Variants in ROR2 observed in about 807,000 individuals in gnomAD.
ROR2 encodes tyrosine-protein kinase transmembrane receptor ROR2.
In ROR2, 33 loss-of-function variants were observed where a neutral mutation model predicts 74.9. The observed-to-expected ratio is 0.44, with a 90% CI of 0.33 to 0.59. ROR2 has a LOEUF of 0.59. Among genes scored for constraint, ROR2 ranks in the 20% least tolerant of loss-of-function variants. The pLI is 0.02. For missense variants in ROR2, 1,216 were observed against 1,313.8 expected, an observed-to-expected ratio of 0.93 and a Z score of 1.15; for synonymous variants, 586 against 558.7, an observed-to-expected ratio of 1.05 and a Z score of -0.69.
At chr9:91,948,240 T>C (rs1832065225) in intron 1 of ROR2, among the ~76,000 whole-genome samples, 2 of 152,202 alleles carry the variant, frequency 1.3e-5, no homozygotes, top group African/African-American at 2.4e-5. Context: ...CCTCATGGTC[T>C]GCAAGGCAGA....
At chr9:91,785,817 T>G (rs1826777887) in intron 1 of ROR2, among the ~76,000 whole-genome samples, 1 of 152,190 alleles carries the variant, frequency 6.6e-6, no homozygotes, top group South Asian at 2.1e-4. Context: ...GAACCTGAAA[T>G]GCCCCGAAAT....
At chr9:91,840,932 T>C (rs1828764509) in intron 1 of ROR2, among the ~76,000 whole-genome samples, 1 of 152,266 alleles carries the variant, frequency 6.6e-6, no homozygotes, top group Non-Finnish European at 1.5e-5. Flanking sequence ...TATAGATGTG[T>C]GGTCATGGGC....
intron 4 of ROR2, among the ~76,000 whole-genome samples, chr9:91,748,613 A>T (rs866225964): frequency 2.0e-4 from 31 of 152,380 alleles, no homozygotes; most frequent in Middle Eastern, 6.8e-3. Flanking sequence ...ACTAGCACAC[A>T]ATTTAAAAAT....
At position 91,748,905 on chromosome 9, in the gene ROR2, T is replaced by C. The variant is rs375754979; in HGVS notation, c.494+7166A>G. Among the ~76,000 whole-genome samples, 18 of 152,172 alleles carry C rather than the reference T, an allele frequency of 1.2e-4. No homozygotes were observed. The East Asian group carries it at 2.9e-3, about 25-fold the overall frequency. On this transcript the variant is annotated intron_variant, in intron 4 of 8. Coordinates refer to ENST00000375708, the MANE Select transcript of ROR2 (RefSeq NM_004560.4). ...AGCCGGGCGTGGTGGCAGGCGCCTG[T>C]AATCCCAGCTACTCAGGAGGCTGAG...
chr9:91,925,462 C>CTGTGTGTGTGTGTG (rs1224637296), intron 1 of ROR2, among the ~76,000 whole-genome samples: 1 of 126,086 alleles, frequency 7.9e-6, no homozygotes, highest in African/African-American at 3.3e-5. Context: ...TGTCAGCTGC[C>CTGTGTGTGTGTGTG]TGTATGTGTG....
intron 1 of ROR2, among the ~76,000 whole-genome samples, chr9:91,789,946 G>A (rs554118150): frequency 3.0e-4 from 46 of 152,026 alleles, no homozygotes; most frequent in Non-Finnish European, 6.0e-4. Context: ...AACACACTTC[G>A]AATTCAAAAA....
At chr9:91,761,458 A>G (rs2118869886) in intron 2 of ROR2, among the ~76,000 whole-genome samples, 1 of 152,314 alleles carries the variant, frequency 6.6e-6, no homozygotes, top group East Asian at 1.9e-4. Flanking sequence ...ATAATCAGGC[A>G]TTAGACTCTC....
In ROR2 at chr9:91,907,069, T is replaced by C. The variant is rs75267065; in HGVS notation, c.97+42798A>G. The stretch of plus-strand genomic sequence containing the variant: ...CACTAACTCCCCATTGGATTTCATC[T>C]ATCTTTTTTTTTAATTGAGGGAGAC... On this transcript the variant is annotated intron_variant, in intron 1 of 8. Coordinates refer to ENST00000375708, the MANE Select transcript of ROR2 (RefSeq NM_004560.4). 1.9e-4 allele frequency among the ~76,000 whole-genome samples: 29 copies of C among 152,288 alleles called. No homozygotes were observed. In the East Asian group the frequency reaches 5.6e-3, roughly 29 times the overall value.
At position 91,905,668 on chromosome 9, in the gene ROR2, A is replaced by G. The variant is rs1041684813; in HGVS notation, c.97+44199T>C. Among the ~76,000 whole-genome samples the G allele has an allele frequency of 4.1e-5, 6 of 147,128 alleles. No homozygotes were observed. The highest frequency in any genetic ancestry group is 9.0e-5 in the Non-Finnish European group (6 of 66,384). ...CATAACACACACGTACACCACACATACACTCCAAAATCTGTTTTTCTTTTT... is the reference window on the plus strand; with the variant it reads ...CATAACACACACGTACACCACACATGCACTCCAAAATCTGTTTTTCTTTTT... On this transcript the variant is annotated intron_variant, in intron 1 of 8. Coordinates refer to ENST00000375708, the MANE Select transcript of ROR2 (RefSeq NM_004560.4). The surrounding 1 kb of genome is among the most constrained non-coding windows in gnomAD (Gnocchi z 5.3).
intron 4 of ROR2, among the ~76,000 whole-genome samples, chr9:91,740,325 G>T (rs1433904628): frequency 6.6e-6 from 1 of 152,040 alleles, no homozygotes; most frequent in Non-Finnish European, 1.5e-5. Flanking sequence ...AAGGTGGGAG[G>T]ATCACAAGGT....
At chr9:91,862,668 C>CAA (rs113052659) in intron 1 of ROR2, among the ~76,000 whole-genome samples, 6,009 of 150,304 alleles carry the variant, frequency 0.04, 166 homozygotes, top group East Asian at 0.092. Context: ...TCTCAAAAAA[C>CAA]AAAAAAAAAG....
intron 1 of ROR2, among the ~76,000 whole-genome samples, chr9:91,899,648 G>T (rs1384315876): frequency 6.6e-6 from 1 of 152,074 alleles, no homozygotes; most frequent in Non-Finnish European, 1.5e-5. Flanking sequence ...TGGGGAGGAG[G>T]GGGCAGCTGG....
chr9:91,853,039 C>T (rs1829159865), intron 1 of ROR2, among the ~76,000 whole-genome samples: 1 of 152,230 alleles, frequency 6.6e-6, no homozygotes, highest in African/African-American at 2.4e-5. Context: ...GTAAAAATAA[C>T]CACCATGGAG....
At chr9:91,923,902 T>C (rs1417320117) in intron 1 of ROR2, 2 of 152,272 alleles carry the variant, frequency 1.3e-5, no homozygotes, top group Non-Finnish European at 2.9e-5. Context: ...GTGGCAGAAG[T>C]GTTGGGTCAA....
In ROR2 at chr9:91,737,393, G is replaced by A. The variant is rs1825065776; in HGVS notation, c.620C>T (p.Thr207Ile). The change falls in exon 5 of 9, where the codon ACA (threonine) becomes ATA (isoleucine). Residue 207 changes from threonine (T) to isoleucine (I), a missense_variant and splice_region_variant. Coordinates refer to ENST00000375708, the MANE Select transcript of ROR2 (RefSeq NM_004560.4). ...QMQGEIENRI[T>I]AAFTMIGTST... ...GGAGAAAGGTCTGCAGCTCCTACCTGTGATTCGGTTTTCAATCTCCCCCTG... is the reference window on the plus strand; with the variant it reads ...GGAGAAAGGTCTGCAGCTCCTACCTATGATTCGGTTTTCAATCTCCCCCTG... 1 of 1,614,142 alleles carries A rather than the reference G, an allele frequency of 6.2e-7. No homozygotes were observed. The highest frequency in any genetic ancestry group is 8.5e-7 in the Non-Finnish European group (1 of 1,180,032).
At chr9:91,867,116 G>A (rs1387765572) in intron 1 of ROR2, among the ~76,000 whole-genome samples, 1 of 152,196 alleles carries the variant, frequency 6.6e-6, no homozygotes, top group Non-Finnish European at 1.5e-5. Flanking sequence ...CTTCTTTAGG[G>A]ACTCCTTAGC....
chr9:91,847,056 A>C (rs1230197118), intron 1 of ROR2, among the ~76,000 whole-genome samples: 1 of 152,108 alleles, frequency 6.6e-6, no homozygotes, highest in Non-Finnish European at 1.5e-5. Flanking sequence ...CACAGACACA[A>C]ATGGCATGGA....
chr9:91,771,746 T>C (rs1246488789), intron 2 of ROR2, among the ~76,000 whole-genome samples: 1 of 146,156 alleles, frequency 6.8e-6, no homozygotes, highest in Non-Finnish European at 1.5e-5. Flanking sequence ...CTCGATACCA[T>C]CTACCAAATA....
chr9:91,784,277 A>G (rs1056833947), intron 1 of ROR2, among the ~76,000 whole-genome samples: 1 of 152,122 alleles, frequency 6.6e-6, no homozygotes, highest in Admixed American at 6.5e-5. Context: ...TGTTTGCTCT[A>G]TCTGCAGAAT....
Sources: allele counts gnomAD v4.1 joint callset (sites outside exome capture counted in the v4.1 genomes callset), GRCh38; gene constraint gnomAD v4.1.1; non-coding constraint Gnocchi (gnomAD v3.1); transcripts MANE v1.5; gene names NCBI Gene and HGNC (gene_info 2026-07-23, HGNC 2026-07-21).